CCDC171: variants seen among roughly 807,000 people sequenced by gnomAD.
CCDC171 encodes coiled-coil domain containing 171, also known as coiled-coil domain-containing protein 171.
Under a neutral mutation model 168.2 loss-of-function variants are expected in CCDC171, and 177 were observed. The observed-to-expected ratio is 1.05, with a 90% confidence interval of 0.93 to 1.19. CCDC171 has a LOEUF of 1.19. Ranked by LOEUF, CCDC171 falls within the 50% of genes most tolerant of loss-of-function variation. The pLI, the probability that CCDC171 is intolerant of heterozygous loss-of-function variation, is 0.00. For missense variants in CCDC171, 1,991 were observed against 1,539.0 expected, an observed-to-expected ratio of 1.29 and a Z score of -4.91; for synonymous variants, 687 against 540.8, an observed-to-expected ratio of 1.27 and a Z score of -3.75.
At chr9:15,942,990 A>T (rs1414411254) in intron 25 of CCDC171, among the ~76,000 whole-genome samples, 1 of 151,972 alleles carries the variant, frequency 6.6e-6, no homozygotes, top group Non-Finnish European at 1.5e-5. Context: ...TTAACTGCTG[A>T]ACCCAAACCA....
In CCDC171 at chr9:15,971,977, T is replaced by C. The variant is rs1224555709; in HGVS notation, c.*141T>C. Reference sequence around the variant, plus strand: ...ATTTGTGCGCTATCTTGATGTATTCTGGTAGCTCTGTCTCCTTGAATAAGG... The same window carrying C: ...ATTTGTGCGCTATCTTGATGTATTCCGGTAGCTCTGTCTCCTTGAATAAGG... On this transcript the variant is annotated 3_prime_UTR_variant, in exon 26 of 26. Coordinates refer to ENST00000380701, the MANE Select transcript of CCDC171 (RefSeq NM_173550.4). 2 of 638,032 alleles carry C rather than the reference T, an allele frequency of 3.1e-6. No individual in the cohort carries two copies. Among genetic ancestry groups the C allele is most frequent in the Non-Finnish European group, 5.3e-6 (2 of 374,060 alleles). The allele number at this position is 638,032 out of a possible 1,614,324, so 39.5% of individuals were successfully genotyped here. A position where few individuals can be genotyped will look rare whatever the true frequency, so the allele number is the denominator to read the frequency against.
At chr9:15,983,162 T>A (rs1467088497) in intron 3 of CCDC171, among the ~76,000 whole-genome samples, 1 of 152,176 alleles carries the variant, frequency 6.6e-6, no homozygotes, top group African/African-American at 2.4e-5. Flanking sequence ...CCAGATCTTT[T>A]CAGAACCCCC....
chr9:16,002,444 AACTT>A (rs1832579445), intron 3 of CCDC171, among the ~76,000 whole-genome samples: 2 of 152,078 alleles, frequency 1.3e-5, no homozygotes. Flanking sequence ...AATAGAAAAA[AACTT>A]ACAGAATAAG....
At chr9:15,660,153 A>G (rs915110485) in intron 8 of CCDC171, among the ~76,000 whole-genome samples, 2 of 152,308 alleles carry the variant, frequency 1.3e-5, no homozygotes, top group African/African-American at 2.4e-5. Context: ...TTTGACTTTA[A>G]TGAAATGTTC....
intron 23 of CCDC171, among the ~76,000 whole-genome samples, chr9:15,862,327 GC>G (rs1441066580): frequency 1.4e-5 from 2 of 147,714 alleles, no homozygotes; most frequent in African/African-American, 5.0e-5. Flanking sequence ...TTTTTTTTCT[GC>G]TGGTTTTAGT....
intron 23 of CCDC171, among the ~76,000 whole-genome samples, chr9:15,862,511 A>G (rs1371708303): frequency 6.6e-6 from 1 of 152,004 alleles, no homozygotes; most frequent in Non-Finnish European, 1.5e-5. Context: ...CAGATAATTA[A>G]TATATCTCCA....
In CCDC171 at chr9:15,894,191, C is replaced by A. The variant is rs12686138; in HGVS notation, c.3600+19528C>A. Reference sequence around the variant, plus strand: ...TAACATAGGAACAGAAAACCAAATACTGCATGTTCTTACTTATAAGTGGGA... The same window carrying A: ...TAACATAGGAACAGAAAACCAAATAATGCATGTTCTTACTTATAAGTGGGA... On this transcript the variant is annotated intron_variant, in intron 24 of 25. Coordinates refer to ENST00000380701, the MANE Select transcript of CCDC171 (RefSeq NM_173550.4). 1.5e-4 allele frequency among the ~76,000 whole-genome samples: 23 copies of A among 152,248 alleles called. No individual in the cohort carries two copies. The East Asian group carries it at 3.3e-3, about 22-fold the overall frequency.
chr9:15,778,544 G>A (rs2057468028), intron 19 of CCDC171, among the ~76,000 whole-genome samples: 1 of 148,344 alleles, frequency 6.7e-6, no homozygotes, highest in Non-Finnish European at 1.5e-5. Context: ...TACTCAGGAG[G>A]CTGAGGCATG....
At chr9:15,631,626 T>C (rs1291643975) in intron 7 of CCDC171, among the ~76,000 whole-genome samples, 1 of 152,200 alleles carries the variant, frequency 6.6e-6, no homozygotes. Context: ...TCTGAAACTA[T>C]TCCAGTCAAT....
intron 15 of CCDC171, among the ~76,000 whole-genome samples, chr9:15,729,194 A>G (rs2054003157): frequency 6.6e-6 from 1 of 152,188 alleles, no homozygotes; most frequent in Non-Finnish European, 1.5e-5. Flanking sequence ...TGAATGTGAA[A>G]CAAAAAATGG....
intron 6 of CCDC171, 66 bp from the exon 7 acceptor site, chr9:15,623,201 T>C (rs1310155085): frequency 2.6e-6 from 3 of 1,175,328 alleles, no homozygotes; most frequent in Non-Finnish European, 3.5e-6. Flanking sequence ...CTGTCTTCTA[T>C]TGGAGTGACT....
intron 25 of CCDC171, among the ~76,000 whole-genome samples, chr9:15,927,564 G>A (rs1826030600): frequency 6.6e-6 from 1 of 151,676 alleles, no homozygotes; most frequent in East Asian, 1.9e-4. Context: ...CTTTATTTAT[G>A]AGTAAATAAT....
At chr9:15,566,010 C>A (rs750052928) in intron 2 of CCDC171, among the ~76,000 whole-genome samples, 1 of 152,134 alleles carries the variant, frequency 6.6e-6, no homozygotes. Context: ...TATAACCTGA[C>A]CAATACTGGT....
intron 6 of CCDC171, among the ~76,000 whole-genome samples, chr9:16,026,247 A>T (rs1457031018): frequency 2.6e-5 from 4 of 152,128 alleles, no homozygotes; most frequent in African/African-American, 9.7e-5. Flanking sequence ...CCAGGGTCTC[A>T]ACAGATACAC....
chr9:15,745,695 A>G, intron 18 of CCDC171, 64 bp downstream of exon 18: 1 of 925,520 alleles, frequency 1.1e-6, no homozygotes, highest in South Asian at 1.8e-5. Flanking sequence ...GAAATTCTTT[A>G]TGTCACAAAT....
Position 16,060,862 on chromosome 9 carries a change from T to G in CCDC171, n.306T>G, listed in dbSNP as rs1433116929. 3 of 152,188 alleles carry G rather than the reference T, an allele frequency of 2.0e-5. No individual in the cohort carries two copies. In the East Asian group the frequency reaches 5.8e-4, roughly 29 times the overall value. The allele number at this position is 152,188 out of a possible 1,614,324, so 9.4% of individuals were successfully genotyped here. A position where few individuals can be genotyped will look rare whatever the true frequency, so the allele number is the denominator to read the frequency against. On this transcript the variant is annotated non_coding_transcript_exon_variant, in exon 2 of 2. Coordinates refer to the CCDC171 transcript ENST00000478913. ...TTCAAAAGCCAACACAAAATGAGGA[T>G]GTGTTTTTTGCAAAAGCAGTTGTTC...
chr9:15,983,287 A>G (rs1831864044), intron 3 of CCDC171, among the ~76,000 whole-genome samples: 1 of 152,096 alleles, frequency 6.6e-6, no homozygotes, highest in Admixed American at 6.6e-5. Flanking sequence ...TGGAAACATA[A>G]TAGTTGACAA....
chr9:15,955,800 A>T (rs1338301628), intron 25 of CCDC171, among the ~76,000 whole-genome samples: 1 of 152,118 alleles, frequency 6.6e-6, no homozygotes, highest in African/African-American at 2.4e-5. Context: ...ATAAGATGTG[A>T]TAAGGTGCTT....
downstream of CCDC171, among the ~76,000 whole-genome samples, chr9:16,062,113 T>G (rs1833938965): frequency 1.3e-5 from 2 of 152,120 alleles, no homozygotes; most frequent in South Asian, 4.1e-4. Flanking sequence ...GAACCTGTGT[T>G]GATGACCACT....
Sources: allele counts gnomAD v4.1 joint callset (sites outside exome capture counted in the v4.1 genomes callset), GRCh38; gene constraint gnomAD v4.1.1; transcripts MANE v1.5; gene names NCBI Gene and HGNC (gene_info 2026-07-23, HGNC 2026-07-21).